TBC1D9: variants seen among roughly 807,000 people sequenced by gnomAD.
TBC1D9 encodes the protein TBC1 domain family member 9A.
TBC1D9 carries 63 observed loss-of-function variants against 132.0 expected under a neutral mutation model. The observed-to-expected ratio is 0.48, with a 90% CI of 0.39 to 0.59. The LOEUF (loss-of-function observed/expected upper bound fraction) is 0.59. TBC1D9 is among the 20% of genes least tolerant of loss of function. The pLI is 0.00. For synonymous variants in TBC1D9, 610 were observed against 609.9 expected, an observed-to-expected ratio of 1.00 and a Z score of 0.00; for missense variants, 1,261 against 1,592.7, an observed-to-expected ratio of 0.79 and a Z score of 3.54.
At chr4:140,648,310 T>A (rs1164742685) in intron 13 of TBC1D9, among the ~76,000 whole-genome samples, 1 of 152,196 alleles carries the variant, frequency 6.6e-6, no homozygotes, top group African/African-American at 2.4e-5. Context: ...CTTATCTGAA[T>A]GTTTCTGTGG....
chr4:140,717,006 C>G (rs1291471045), intron 1 of TBC1D9, among the ~76,000 whole-genome samples: 1 of 150,656 alleles, frequency 6.6e-6, no homozygotes, highest in Non-Finnish European at 1.5e-5. Context: ...TTTAATAAAA[C>G]AATAATACAA....
intron 1 of TBC1D9, among the ~76,000 whole-genome samples, chr4:140,746,562 T>G (rs1252118586): frequency 1.3e-5 from 2 of 152,154 alleles, no homozygotes; most frequent in Admixed American, 1.3e-4. Flanking sequence ...AAGACTGTGG[T>G]TTAATTGACT....
At chr4:140,678,747 C>T (rs1166191504) in intron 5 of TBC1D9, among the ~76,000 whole-genome samples, 195 bp downstream of exon 5, 2 of 152,190 alleles carry the variant, frequency 1.3e-5, no homozygotes, top group Non-Finnish European at 2.9e-5. Context: ...TGCCTGCTGC[C>T]TTGTGTTGGA....
At chr4:140,709,932 G>T (rs1035315693) in intron 1 of TBC1D9, among the ~76,000 whole-genome samples, 90 of 152,164 alleles carry the variant, frequency 5.9e-4, no homozygotes, top group Non-Finnish European at 3.1e-4. Flanking sequence ...CTCCTGCTGT[G>T]CAGCCCAGTT....
chr4:140,725,593 T>C (rs941210827), intron 1 of TBC1D9, among the ~76,000 whole-genome samples: 2 of 152,126 alleles, frequency 1.3e-5, no homozygotes, highest in East Asian at 3.8e-4. Flanking sequence ...AGTTCTCCTG[T>C]CCAGCTCACT....
chr4:140,622,410 T>G lies in TBC1D9; in HGVS notation c.3586A>C (p.Thr1196Pro). ...CTGGTGCTCCGGGGCAGTGCCGCCG[T>G]GCCCTGGCCGCTCCGCACCAGGACC... ...DTVLVRSGQG[T>P]AALPRSTSLD... is the part of the protein sequence containing the mutation. The change falls in exon 21 of 21, where the codon ACG becomes CCG. Residue 1196 changes from threonine (T) to proline (P), a missense_variant. By Grantham distance (38) the Thr-to-Pro change is conservative. Coordinates refer to ENST00000442267, the MANE Select transcript of TBC1D9 (RefSeq NM_015130.3). 1.2e-6 allele frequency: 2 copies of G among 1,613,164 alleles called. No individual in the cohort carries two copies. Among genetic ancestry groups the G allele is most frequent in the Non-Finnish European group, 1.7e-6 (2 of 1,179,300 alleles).
chr4:140,657,856 C>T (rs1324173638), intron 11 of TBC1D9, 44 bp from the exon 12 acceptor site: 2 of 1,565,734 alleles, frequency 1.3e-6, no homozygotes, highest in East Asian at 2.2e-5. Flanking sequence ...TAGCCAACTA[C>T]ACAGTGTAAC....
In TBC1D9 at chr4:140,756,355, C is replaced by A. The variant is rs1416111966; in HGVS notation, c.-310G>T. ...TGGCACTCTGCAGCCCGGCTCCCGGCCCACGGCGGCGGGAGGAGCGGGAGG... is the reference window on the plus strand; with the variant it reads ...TGGCACTCTGCAGCCCGGCTCCCGGACCACGGCGGCGGGAGGAGCGGGAGG... On this transcript the variant is annotated 5_prime_UTR_variant, in exon 1 of 21. Transcript: ENST00000442267. The surrounding 1 kb of genome is among the most constrained non-coding windows in gnomAD (Gnocchi z 5.6). Among the ~76,000 whole-genome samples, 5 of 152,030 alleles carry A rather than the reference C, an allele frequency of 3.3e-5. No homozygotes were observed. The highest frequency in any genetic ancestry group is 1.2e-4 in the African/African-American group (5 of 41,418).
At chr4:140,733,512 C>A (rs1738629770) in intron 1 of TBC1D9, among the ~76,000 whole-genome samples, 1 of 152,204 alleles carries the variant, frequency 6.6e-6, no homozygotes, top group Non-Finnish European at 1.5e-5. Flanking sequence ...ACAAACACCG[C>A]TACAACTTTA....
At chr4:140,685,141 G>A (rs572449848) in intron 3 of TBC1D9, among the ~76,000 whole-genome samples, 1 of 152,290 alleles carries the variant, frequency 6.6e-6, no homozygotes, top group African/African-American at 2.4e-5. Flanking sequence ...TGGTTCAGAT[G>A]AAAAATCATC....
intron 11 of TBC1D9, among the ~76,000 whole-genome samples, chr4:140,658,104 A>C (rs975634814): frequency 6.6e-6 from 1 of 152,254 alleles, no homozygotes; most frequent in South Asian, 2.1e-4. Flanking sequence ...TTCGTGACAT[A>C]CAATTAGTTA....
chr4:140,678,324 C>T (rs7678426), intron 5 of TBC1D9, among the ~76,000 whole-genome samples: 6,101 of 152,240 alleles, frequency 0.04, 379 homozygotes, highest in African/African-American at 0.14. Context: ...GCTGAGCTAT[C>T]GTATCCCTTG....
chr4:140,737,845 C>G (rs1738700100), intron 1 of TBC1D9, among the ~76,000 whole-genome samples: 1 of 152,150 alleles, frequency 6.6e-6, no homozygotes, highest in Non-Finnish European at 1.5e-5. Context: ...GATTCACAAT[C>G]TAATTTAAGA....
In TBC1D9 at chr4:140,755,896, G is replaced by A; in HGVS notation, c.130+20C>T. ...AGCGCTCCCGGCTCCCCTCCTGCAG[G>A]GATCGGCCACGGTCCTTACCCGCCA... On this transcript the variant is annotated intron_variant, in intron 1 of 20. Coordinates refer to ENST00000442267, the MANE Select transcript of TBC1D9 (RefSeq NM_015130.3). 6.5e-7 allele frequency: 1 copy of A among 1,529,834 alleles called. No individual in the cohort carries two copies. Among genetic ancestry groups the A allele is most frequent in the Non-Finnish European group, 8.8e-7 (1 of 1,141,652 alleles). 94.8% of individuals were successfully genotyped at this position (1,529,834 alleles called of 1,614,324 possible). A position where few individuals can be genotyped will look rare whatever the true frequency, so the allele number is the denominator to read the frequency against.
intron 20 of TBC1D9, 86 bp downstream of exon 20, chr4:140,624,030 T>C: frequency 1.9e-6 from 2 of 1,076,690 alleles, no homozygotes; most frequent in Non-Finnish European, 2.7e-6. Context: ...TGATGGGTAT[T>C]GAGTCTACAT....
chr4:140,669,883 A>T, intron 7 of TBC1D9, 79 bp from the exon 8 acceptor site: 1 of 1,345,572 alleles, frequency 7.4e-7, no homozygotes, highest in Admixed American at 2.2e-5. Flanking sequence ...CTGTATGGTT[A>T]TCAAAAGCTA....
intron 20 of TBC1D9, 100 bp downstream of exon 20, chr4:140,624,016 T>G (rs1446353430): frequency 1.1e-6 from 1 of 940,252 alleles, no homozygotes; most frequent in African/African-American, 1.7e-5. Flanking sequence ...CCAGTTATTA[T>G]TTTTGATGGG....
chr4:140,714,427 C>T (rs1420772942), intron 1 of TBC1D9, among the ~76,000 whole-genome samples: 1 of 152,074 alleles, frequency 6.6e-6, no homozygotes, highest in African/African-American at 2.4e-5. Flanking sequence ...TTGGTGGATT[C>T]AAGGATTTTC....
intron 3 of TBC1D9, among the ~76,000 whole-genome samples, chr4:140,681,547 C>T (rs181557782): frequency 6.6e-6 from 1 of 152,138 alleles, no homozygotes; most frequent in South Asian, 2.1e-4. Context: ...GCTTACGATG[C>T]AAGCACAGCC....
Sources: gnomAD v4.1 joint callset for allele counts (sites outside exome capture counted in the v4.1 genomes callset) on GRCh38, gnomAD v4.1.1 for gene constraint, Gnocchi (gnomAD v3.1) non-coding constraint, MANE v1.5 for transcripts, NCBI Gene and HGNC (gene_info 2026-07-23, HGNC 2026-07-21) for gene names.